The following MAPK13 variants were observed in gnomAD, a reference collection of about 807,000 sequenced individuals.
MAPK13 encodes mitogen-activated protein kinase 13.
A neutral mutation model predicts 53.5 loss-of-function variants in MAPK13; 39 were observed. That is an observed-to-expected ratio of 0.73 (90% confidence interval 0.56 to 0.95). The LOEUF is 0.95. Ranked by LOEUF, MAPK13 falls within the 40% of genes least tolerant of loss-of-function variation. The pLI is 0.00. For synonymous variants in MAPK13, 179 were observed against 190.9 expected, an observed-to-expected ratio of 0.94 and a Z score of 0.51; for missense variants, 460 against 471.8, an observed-to-expected ratio of 0.98 and a Z score of 0.23.
chr6:36,132,744 G>C (rs1236527295), intron 3 of MAPK13, 65 bp downstream of exon 3: 2 of 1,558,384 alleles, frequency 1.3e-6, no homozygotes, highest in Admixed American at 3.3e-5. Flanking sequence ...GGAGCAAGGT[G>C]GGGGAGGGTC....
chr6:36,130,739 G>GGGGGGCGGGCC lies in MAPK13; in HGVS notation c.119+38_119+39insGGGGGCGGGCC. On this transcript the variant is annotated intron_variant, in intron 1 of 11. Transcript: ENST00000211287. This position sits in a 1 kb window ranked among gnomAD's most constrained non-coding sequence, Gnocchi z 4.5. ...GGCCGCTGGGGGGCGGGGGGCGGGCGCCAGGCTCTCCCCTTTCCGCCCAGC... is the reference window on the plus strand; with the variant it reads ...GGCCGCTGGGGGGCGGGGGGCGGGCGGGGGGCGGGCCCCAGGCTCTCCCCTTTCCGCCCAGC... 8.9e-7 allele frequency: 1 copy of GGGGGGCGGGCC among 1,120,462 alleles called. No individual in the cohort carries two copies. The highest frequency in any genetic ancestry group is 3.2e-5 in the East Asian group (1 of 30,926). The allele number at this position is 1,120,462 out of a possible 1,614,324, so 69.4% of individuals were successfully genotyped here.
chr6:36,136,780 C>A lies in MAPK13; in HGVS notation c.610+10C>A. 2 of 1,613,618 alleles carry A rather than the reference C, an allele frequency of 1.2e-6. No individual in the cohort carries two copies. The highest frequency in any genetic ancestry group is 1.1e-5 in the South Asian group (1 of 91,036). ...CACTACAACCAGACAGGTCAGTGGT[C>A]AATGCCTGAGAGGGCGGTCCTGGGG... On this transcript the variant is annotated intron_variant, in intron 7 of 11. Transcript: ENST00000211287.
At chr6:36,136,824 C>A in intron 7 of MAPK13, 54 bp downstream of exon 7, 3 of 1,610,712 alleles carry the variant, frequency 1.9e-6, no homozygotes, top group Non-Finnish European at 1.7e-6. Context: ...TCACTCGGTG[C>A]TGACTGACTG....
intron 11 of MAPK13, 33 bp from the exon 12 acceptor site, chr6:36,139,261 T>C (rs771458962): frequency 2.6e-5 from 41 of 1,600,248 alleles, no homozygotes; most frequent in Non-Finnish European, 3.4e-5. Flanking sequence ...ACAGCACCTC[T>C]TTACGCACCT....
At chr6:36,137,948 G>T (rs1015359657) in intron 8 of MAPK13, among the ~76,000 whole-genome samples, 1 of 93,994 alleles carries the variant, frequency 1.1e-5, no homozygotes, top group African/African-American at 4.5e-5. Context: ...GACAGAGTGA[G>T]ACCCTGTCTC....
In MAPK13 at chr6:36,142,166, A is replaced by G. The variant is rs1218332284; in HGVS notation, c.*2793A>G. ...AGTCCTGGGATCCACCGTAAGGTTC[A>G]TTCTGCATTCACAGGTTAAAGGTCT... On this transcript the variant is annotated 3_prime_UTR_variant, in exon 12 of 12. Transcript: ENST00000211287. This position sits in a 1 kb window ranked among gnomAD's most constrained non-coding sequence, Gnocchi z 4.4. The G allele has an allele frequency of 6.6e-6, 1 of 152,300 alleles. No individual in the cohort carries two copies. Among genetic ancestry groups the G allele is most frequent in the Non-Finnish European group, 1.5e-5 (1 of 68,082 alleles). 9.4% of individuals were successfully genotyped at this position (152,300 alleles called of 1,614,324 possible). A position where few individuals can be genotyped will look rare whatever the true frequency, so the allele number is the denominator to read the frequency against.
intron 8 of MAPK13, among the ~76,000 whole-genome samples, chr6:36,137,278 G>A (rs1015069982): frequency 6.6e-6 from 1 of 152,212 alleles, no homozygotes; most frequent in Non-Finnish European, 1.5e-5. Flanking sequence ...CACTCTGGGA[G>A]GCTGAGGCGG....
At chr6:36,131,436 T>C (rs772839506) in intron 2 of MAPK13, 36 bp downstream of exon 2, 1 of 1,587,598 alleles carries the variant, frequency 6.3e-7, no homozygotes, top group East Asian at 2.3e-5. Context: ...GGGTGGGGGC[T>C]GCCCTGGGGA....
Position 36,140,864 on chromosome 6 carries a change from C to T in MAPK13, c.*1491C>T, listed in dbSNP as rs766657062. ...AATTACATCTTACTGCAACCTCAGC[C>T]TCCTGGGCTCAAGCCATCCTCCCAC... On this transcript the variant is annotated 3_prime_UTR_variant, in exon 12 of 12. Coordinates refer to ENST00000211287, the MANE Select transcript of MAPK13 (RefSeq NM_002754.5). 6 of 152,346 alleles carry T rather than the reference C, an allele frequency of 3.9e-5. No individual in the cohort carries two copies. The highest frequency in any genetic ancestry group is 1.5e-5 in the Non-Finnish European group (1 of 68,152). The allele number at this position is 152,346 out of a possible 1,614,324, so 9.4% of individuals were successfully genotyped here. A position where few individuals can be genotyped will look rare whatever the true frequency, so the allele number is the denominator to read the frequency against.
chr6:36,131,328 C>A lies in MAPK13; in HGVS notation c.177C>A (p.Pro59=), dbSNP rs1486676222. ...EKVAIKKLSR[P]FQSEIFAKRA... is the part of the protein sequence containing the mutation. ...TGGCCATCAAGAAGCTGAGCCGACC[C>A]TTTCAGTCCGAGATCTTCGCCAAGC... Residue 59 remains proline (P), a synonymous_variant, in exon 2 of 12, where the codon CCC becomes CCA. Transcript: ENST00000211287. 1 of 1,613,828 alleles carries A rather than the reference C, an allele frequency of 6.2e-7. No homozygotes were observed. The highest frequency in any genetic ancestry group is 8.5e-7 in the Non-Finnish European group (1 of 1,179,910).
At position 36,140,620 on chromosome 6, in the gene MAPK13, T is replaced by C. The variant is rs1210671078; in HGVS notation, c.*1247T>C. On this transcript the variant is annotated 3_prime_UTR_variant, in exon 12 of 12. Transcript: ENST00000211287. ...CCTGACCCAAGCCTAGTGATTCTGATGGATATCAGACCATAGTTCGAGACA... is the reference window on the plus strand; with the variant it reads ...CCTGACCCAAGCCTAGTGATTCTGACGGATATCAGACCATAGTTCGAGACA... 6.6e-6 allele frequency: 1 copy of C among 152,632 alleles called. No homozygotes were observed. Among genetic ancestry groups the C allele is most frequent in the Non-Finnish European group, 1.5e-5 (1 of 68,048 alleles). 9.5% of individuals were successfully genotyped at this position (152,632 alleles called of 1,614,324 possible).
rs1003938033 is a variant in MAPK13 at position 36,131,406 on chromosome 6, T to A, written c.249+6T>A. ...AGCACATGCAGCATGAGAACGTAGG[T>A]GGTGGCTGCCCCGGGGAGGGGGTGG... On this transcript the variant is annotated splice_donor_region_variant and intron_variant, in intron 2 of 11. Coordinates refer to ENST00000211287, the MANE Select transcript of MAPK13 (RefSeq NM_002754.5). 2 of 1,609,240 alleles carry A rather than the reference T, an allele frequency of 1.2e-6. No individual in the cohort carries two copies. The highest frequency in any genetic ancestry group is 1.7e-6 in the Non-Finnish European group (2 of 1,177,356).
chr6:36,143,779 T>G lies in MAPK13; in HGVS notation c.*4406T>G, dbSNP rs910749172. 3.9e-5 allele frequency: 6 copies of G among 152,164 alleles called. No individual in the cohort carries two copies. The highest frequency in any genetic ancestry group is 1.4e-4 in the African/African-American group (6 of 41,446). 9.4% of individuals were successfully genotyped at this position (152,164 alleles called of 1,614,324 possible). A position where few individuals can be genotyped will look rare whatever the true frequency, so the allele number is the denominator to read the frequency against. ...TAAGGCCATTCCATCAAACTGAAGA[T>G]GGCAGCAAGTTGTCCTCACTTCTTC... On this transcript the variant is annotated 3_prime_UTR_variant, in exon 12 of 12. Transcript: ENST00000211287.
At position 36,136,878 on chromosome 6, in the gene MAPK13, G is replaced by A. The variant is rs1460837745; in HGVS notation, c.611-1G>A. ...AGGTGACACTCTCCCTCCCTCTGCAGTGGACATCTGGTCTGTGGGCTGTAT... is the reference window on the plus strand; with the variant it reads ...AGGTGACACTCTCCCTCCCTCTGCAATGGACATCTGGTCTGTGGGCTGTAT... On this transcript the variant is annotated splice_acceptor_variant, in intron 7 of 11. Coordinates refer to ENST00000211287, the MANE Select transcript of MAPK13 (RefSeq NM_002754.5). LOFTEE classifies it high-confidence loss of function. 5 of 1,614,030 alleles carry A rather than the reference G, an allele frequency of 3.1e-6. No individual in the cohort carries two copies. The highest frequency in any genetic ancestry group is 1.6e-4 in the Middle Eastern group (1 of 6,084).
At chr6:36,138,669 C>T in intron 9 of MAPK13, 33 bp from the exon 10 acceptor site, 1 of 1,595,212 alleles carries the variant, frequency 6.3e-7, no homozygotes, top group African/African-American at 1.3e-5. Flanking sequence ...GAGGCCAGAG[C>T]CCTAAGGGGT....
rs758681137 is a variant in MAPK13 at position 36,131,288 on chromosome 6, G to A, written c.137G>A (p.Arg46Gln). ...CCCGACAGCTCGGCCATCGACAAGC[G>A]GTCAGGGGAGAAGGTGGCCATCAAG... ...YGSVCSAIDK[R>Q]SGEKVAIKKL... The change falls in exon 2 of 12, where the codon CGG (arginine) becomes CAG (glutamine). Residue 46 changes from arginine (R) to glutamine (Q), a missense_variant. Coordinates refer to ENST00000211287, the MANE Select transcript of MAPK13 (RefSeq NM_002754.5). 6.2e-7 allele frequency: 1 copy of A among 1,613,502 alleles called. No individual in the cohort carries two copies. Among genetic ancestry groups the A allele is most frequent in the Middle Eastern group, 1.7e-4 (1 of 6,060 alleles).
intron 8 of MAPK13, among the ~76,000 whole-genome samples, chr6:36,137,499 A>G (rs1376557252): frequency 2.0e-5 from 3 of 151,612 alleles, no homozygotes; most frequent in Admixed American, 2.0e-4. Flanking sequence ...TGGGTGACAG[A>G]GCAAGACTCT....
intron 8 of MAPK13, 36 bp downstream of exon 8, chr6:36,136,986 G>A (rs1219240612): frequency 6.4e-7 from 1 of 1,574,504 alleles, no homozygotes; most frequent in South Asian, 1.1e-5. Context: ...TCCATCTAGG[G>A]ATTCCTTCCT....
rs574148754 is a variant in MAPK13 at position 36,143,711 on chromosome 6, T to C, written c.*4338T>C. 2.0e-5 allele frequency: 3 copies of C among 152,196 alleles called. No homozygotes were observed. Among genetic ancestry groups the C allele is most frequent in the South Asian group, 2.1e-4 (1 of 4,818 alleles). The allele number at this position is 152,196 out of a possible 1,614,324, so 9.4% of individuals were successfully genotyped here. A position where few individuals can be genotyped will look rare whatever the true frequency, so the allele number is the denominator to read the frequency against. ...CATTCCCCCTAAATCCTCCTGAGCTTTTAGGTAAGAGGCCGATGATTTCAC... is the reference window on the plus strand; with the variant it reads ...CATTCCCCCTAAATCCTCCTGAGCTCTTAGGTAAGAGGCCGATGATTTCAC... On this transcript the variant is annotated 3_prime_UTR_variant, in exon 12 of 12. Transcript: ENST00000211287.
Sources: gnomAD v4.1 joint callset for allele counts (sites outside exome capture counted in the v4.1 genomes callset) on GRCh38, gnomAD v4.1.1 for gene constraint, Gnocchi (gnomAD v3.1) non-coding constraint, MANE v1.5 for transcripts, NCBI Gene and HGNC (gene_info 2026-07-23, HGNC 2026-07-21) for gene names.